Variants in CDKAL1 observed in about 807,000 individuals in gnomAD.
The protein encoded by CDKAL1 is CDKAL1 threonylcarbamoyladenosine tRNA methylthiotransferase, also known as threonylcarbamoyladenosine tRNA methylthiotransferase.
In CDKAL1, 32 loss-of-function variants were observed where a neutral mutation model predicts 68.2. The observed-to-expected ratio is 0.47, with a 90% CI of 0.35 to 0.63. CDKAL1 has a LOEUF of 0.63. CDKAL1 is among the 30% of genes least tolerant of loss of function. CDKAL1 has a pLI of 0.00. For synonymous variants in CDKAL1, 234 were observed against 244.3 expected (o/e 0.96, Z 0.39); for missense variants, 606 against 696.7 (o/e 0.87, Z 1.47).
intron 4 of CDKAL1, among the ~76,000 whole-genome samples, chr6:20,645,112 A>T (rs1768379961): frequency 2.0e-5 from 3 of 152,168 alleles, no homozygotes; most frequent in Admixed American, 2.0e-4. Context: ...TGTCTAAGAC[A>T]CTTACTATGA....
At chr6:20,606,412 A>G (rs770505884) in intron 4 of CDKAL1, among the ~76,000 whole-genome samples, 2 of 152,216 alleles carry the variant, frequency 1.3e-5, no homozygotes, top group Non-Finnish European at 2.9e-5. Flanking sequence ...AGAAGAGAAC[A>G]GTTAAGGTCG....
chr6:20,624,775 G>A (rs1453606067), intron 4 of CDKAL1, among the ~76,000 whole-genome samples: 1 of 151,992 alleles, frequency 6.6e-6, no homozygotes, highest in Non-Finnish European at 1.5e-5. Flanking sequence ...ATTTAATTTT[G>A]TATAAGAACA....
At chr6:21,188,898 A>C (rs1288588833) in intron 13 of CDKAL1, among the ~76,000 whole-genome samples, 1 of 152,266 alleles carries the variant, frequency 6.6e-6, no homozygotes, top group East Asian at 1.9e-4. Flanking sequence ...CAGGTGGTTA[A>C]AATGCAGCTG....
intron 5 of CDKAL1, among the ~76,000 whole-genome samples, chr6:20,721,425 G>A (rs1048628075): frequency 1.3e-5 from 2 of 152,068 alleles, no homozygotes; most frequent in South Asian, 2.1e-4. Flanking sequence ...TGGCCAAATA[G>A]TATTCCGTTA....
intron 8 of CDKAL1, among the ~76,000 whole-genome samples, chr6:20,811,534 A>T (rs1410064290): frequency 2.0e-5 from 3 of 152,102 alleles, no homozygotes; most frequent in African/African-American, 7.2e-5. Flanking sequence ...GGATTTTGCT[A>T]ATTGCATCCT....
intron 8 of CDKAL1, among the ~76,000 whole-genome samples, chr6:20,796,036 C>T (rs1776096765): frequency 6.6e-6 from 1 of 152,126 alleles, no homozygotes; most frequent in African/African-American, 2.4e-5. Context: ...GTTAGATATA[C>T]CAGGGCCCAG....
At chr6:21,044,429 G>C (rs937403083) in intron 11 of CDKAL1, among the ~76,000 whole-genome samples, 1 of 152,072 alleles carries the variant, frequency 6.6e-6, no homozygotes, top group African/African-American at 2.4e-5. Flanking sequence ...CTGATACCTG[G>C]CTGGCTGATA....
At chr6:20,656,271 T>G (rs1455565197) in intron 5 of CDKAL1, among the ~76,000 whole-genome samples, 1 of 152,152 alleles carries the variant, frequency 6.6e-6, no homozygotes, top group Non-Finnish European at 1.5e-5. Flanking sequence ...AAATTTAATA[T>G]TGTTTGCATA....
chr6:21,147,126 C>G (rs1776214763), intron 13 of CDKAL1, among the ~76,000 whole-genome samples: 2 of 152,120 alleles, frequency 1.3e-5, no homozygotes, highest in South Asian at 4.1e-4. Flanking sequence ...AACAGGTAGT[C>G]TTTTGCTGTG....
rs528621524 is a variant in CDKAL1 at position 21,120,640 on chromosome 6, T to A, written c.1299+12177T>A. ...ATGCATACACAAATACATACCTTCA[T>A]GTAAATGTCAGTATGTGTTTTTATA... On this transcript the variant is annotated intron_variant, in intron 13 of 15. Coordinates refer to ENST00000274695, the MANE Select transcript of CDKAL1 (RefSeq NM_017774.3). Among the ~76,000 whole-genome samples, 103 of 152,350 alleles carry A rather than the reference T, an allele frequency of 6.8e-4. 1 individual carries two copies. In the South Asian group the frequency reaches 0.02, roughly 30 times the overall value.
chr6:20,864,518 C>T (rs1759802582), intron 9 of CDKAL1, among the ~76,000 whole-genome samples: 1 of 152,056 alleles, frequency 6.6e-6, no homozygotes, highest in East Asian at 1.9e-4. Flanking sequence ...AATTCTGGAA[C>T]ATTAGAAGAA....
At chr6:20,619,006 T>C (rs1165772304) in intron 4 of CDKAL1, among the ~76,000 whole-genome samples, 2 of 152,332 alleles carry the variant, frequency 1.3e-5, no homozygotes, top group African/African-American at 4.8e-5. Flanking sequence ...TGAGAAAATA[T>C]ACTTCTATGA....
At chr6:20,787,159 T>C (rs1434382341) in intron 8 of CDKAL1, among the ~76,000 whole-genome samples, 2 of 152,246 alleles carry the variant, frequency 1.3e-5, no homozygotes, top group Non-Finnish European at 2.9e-5. Flanking sequence ...TTATCTTGTC[T>C]TTCTTGTTAT....
chr6:20,964,829 C>T (rs1581925142), intron 10 of CDKAL1, among the ~76,000 whole-genome samples: 1 of 152,280 alleles, frequency 6.6e-6, no homozygotes, highest in East Asian at 1.9e-4. Context: ...CTGAACTTCT[C>T]AACCACTGTC....
chr6:20,829,623 G>A (rs1777632075), intron 8 of CDKAL1, among the ~76,000 whole-genome samples: 1 of 152,146 alleles, frequency 6.6e-6, no homozygotes, highest in Admixed American at 6.6e-5. Flanking sequence ...TTGAAAAACT[G>A]TATTATTTTT....
intron 4 of CDKAL1, among the ~76,000 whole-genome samples, chr6:20,562,146 A>G (rs118152608): frequency 6.6e-6 from 1 of 152,274 alleles, no homozygotes; most frequent in East Asian, 1.9e-4. Context: ...GTGCCCTCGC[A>G]GAGAGATTAT....
chr6:20,833,724 T>A (rs193193459), intron 8 of CDKAL1, among the ~76,000 whole-genome samples: 2 of 152,232 alleles, frequency 1.3e-5, no homozygotes, highest in Admixed American at 6.5e-5. Context: ...AGTTAATTTC[T>A]TAGCATATTT....
intron 4 of CDKAL1, among the ~76,000 whole-genome samples, chr6:20,584,328 TAAGA>T (rs1765257276): frequency 6.6e-6 from 1 of 152,092 alleles, no homozygotes; most frequent in African/African-American, 2.4e-5. Flanking sequence ...AAGGGGGCTC[TAAGA>T]AAGAGCAGCC....
At chr6:20,730,169 C>A (rs746148585) in intron 5 of CDKAL1, among the ~76,000 whole-genome samples, 1 of 151,586 alleles carries the variant, frequency 6.6e-6, no homozygotes, top group East Asian at 1.9e-4. Context: ...CAACAAAAAT[C>A]AAAAAGTATC....
Sources: allele counts gnomAD v4.1 joint callset (sites outside exome capture counted in the v4.1 genomes callset), GRCh38; gene constraint gnomAD v4.1.1; transcripts MANE v1.5; gene names NCBI Gene and HGNC (gene_info 2026-07-23, HGNC 2026-07-21).